Variants in FAM117B observed in about 807,000 individuals in gnomAD.
The protein encoded by FAM117B is protein FAM117B.
A neutral mutation model predicts 52.8 loss-of-function variants in FAM117B; 22 were observed. The observed-to-expected ratio is 0.42, with a 90% CI of 0.30 to 0.59. The LOEUF is 0.59. Ranked by LOEUF, FAM117B falls within the 20% of genes least tolerant of loss-of-function variation. The probability of loss-of-function intolerance (pLI) is 0.22; values close to 1 mark genes in which losing one functional copy is unlikely to be tolerated. For synonymous variants in FAM117B, 309 were observed against 324.1 expected, an observed-to-expected ratio of 0.95 and a Z score of 0.50; for missense variants, 678 against 802.6, an observed-to-expected ratio of 0.84 and a Z score of 1.88.
intron 2 of FAM117B, among the ~76,000 whole-genome samples, chr2:202,707,360 G>A (rs1428328511): frequency 6.6e-6 from 1 of 152,012 alleles, no homozygotes; most frequent in African/African-American, 2.4e-5. Context: ...CATTAAATAG[G>A]CTGGGCACAT....
rs967760624 is a variant in FAM117B, at chr2:202,704,821, G to A, written c.753+8789G>A. On this transcript the variant is annotated intron_variant, in intron 2 of 7. Transcript: ENST00000392238. ...TCACCATATTGGCCAGGCTAGTCTC[G>A]AACACCTGACCTCAGGTAATCCGCC... Among the ~76,000 whole-genome samples, 38 of 151,686 alleles carry A rather than the reference G, an allele frequency of 2.5e-4. No homozygotes were observed. The East Asian group carries it at 3.9e-3, about 16-fold the overall frequency.
At chr2:202,712,476 A>G (rs1690974952) in intron 2 of FAM117B, among the ~76,000 whole-genome samples, 1 of 142,680 alleles carries the variant, frequency 7.0e-6, no homozygotes, top group Admixed American at 7.2e-5. Context: ...TCCAAATATA[A>G]GATCATATTA....
At chr2:202,699,319 C>G (rs1192205629) in intron 2 of FAM117B, among the ~76,000 whole-genome samples, 1 of 146,744 alleles carries the variant, frequency 6.8e-6, no homozygotes, top group South Asian at 2.2e-4. Context: ...CCCAGCTACT[C>G]GGGAAGCTGA....
chr2:202,680,394 A>G (rs1201480670), intron 1 of FAM117B, among the ~76,000 whole-genome samples: 1 of 152,162 alleles, frequency 6.6e-6, no homozygotes, highest in Non-Finnish European at 1.5e-5. Context: ...CTTTGTGCAC[A>G]TGTACCCTAA....
intron 2 of FAM117B, among the ~76,000 whole-genome samples, chr2:202,697,749 C>T (rs1340994904): frequency 6.6e-6 from 1 of 151,806 alleles, no homozygotes; most frequent in Non-Finnish European, 1.5e-5. Flanking sequence ...GGGGTTTTAC[C>T]ATGTTGGCCA....
At chr2:202,732,843 TA>T (rs1438162673) in intron 4 of FAM117B, among the ~76,000 whole-genome samples, 1 of 104,462 alleles carries the variant, frequency 9.6e-6, no homozygotes, top group East Asian at 2.5e-4. Flanking sequence ...AATAAATAAA[TA>T]AATAAATAAA....
intron 1 of FAM117B, among the ~76,000 whole-genome samples, chr2:202,646,751 A>G (rs1170299458): frequency 6.6e-6 from 1 of 152,160 alleles, no homozygotes; most frequent in African/African-American, 2.4e-5. Context: ...CTCTCCCCTA[A>G]GGATATCATC....
At chr2:202,666,245 C>T (rs1248304655) in intron 1 of FAM117B, among the ~76,000 whole-genome samples, 1 of 151,248 alleles carries the variant, frequency 6.6e-6, no homozygotes, top group African/African-American at 2.4e-5. Context: ...ACAATTGAAA[C>T]GGAAGTTATG....
At chr2:202,756,239 A>G (rs1179358630) in intron 5 of FAM117B, among the ~76,000 whole-genome samples, 1 of 152,180 alleles carries the variant, frequency 6.6e-6, no homozygotes, top group Non-Finnish European at 1.5e-5. Context: ...CAACATGGTG[A>G]AACCCCGTCT....
intron 1 of FAM117B, among the ~76,000 whole-genome samples, chr2:202,666,978 C>T (rs1234008420): frequency 6.6e-6 from 1 of 151,190 alleles, no homozygotes; most frequent in African/African-American, 2.4e-5. Context: ...AAATGCAGAT[C>T]GAAAATCTGT....
At chr2:202,690,625 T>C (rs1215389969) in intron 1 of FAM117B, among the ~76,000 whole-genome samples, 1 of 152,098 alleles carries the variant, frequency 6.6e-6, no homozygotes, top group African/African-American at 2.4e-5. Flanking sequence ...GAAAGGGATA[T>C]AAGGGTAGAG....
At chr2:202,759,550 C>A (rs1184037251) in intron 7 of FAM117B, among the ~76,000 whole-genome samples, 197 bp downstream of exon 7, 1 of 143,834 alleles carries the variant, frequency 7.0e-6, no homozygotes, top group East Asian at 2.0e-4. Context: ...CACCACTAGC[C>A]TGGCTAATTT....
At chr2:202,765,379 C>CTT (rs373287818) in intron 7 of FAM117B, 67 bp from the exon 8 acceptor site, 654 of 1,129,148 alleles carry the variant, frequency 5.8e-4, no homozygotes, top group Admixed American at 1.1e-3. Context: ...TGTTTCCAAG[C>CTT]TTTTTTTTTT....
intron 4 of FAM117B, among the ~76,000 whole-genome samples, chr2:202,735,031 T>C (rs1055220692): frequency 6.6e-6 from 1 of 152,236 alleles, no homozygotes; most frequent in African/African-American, 2.4e-5. Flanking sequence ...TTCTTTGCAT[T>C]CCTCATTGAG....
intron 4 of FAM117B, among the ~76,000 whole-genome samples, chr2:202,742,159 T>TCC (rs1691553326): frequency 6.6e-6 from 1 of 152,202 alleles, no homozygotes; most frequent in East Asian, 1.9e-4. Flanking sequence ...AGTAAGCTTT[T>TCC]TTACAGCATT....
chr2:202,664,398 A>G (rs1364688329), intron 1 of FAM117B, among the ~76,000 whole-genome samples: 1 of 152,220 alleles, frequency 6.6e-6, no homozygotes, highest in Non-Finnish European at 1.5e-5. Context: ...TTGTGTGGCT[A>G]ATAGTGCTAG....
Position 202,687,399 on chromosome 2 carries a change from C to T in FAM117B, c.602-8482C>T, listed in dbSNP as rs1690558269. On this transcript the variant is annotated intron_variant, in intron 1 of 7. Coordinates refer to ENST00000392238, the MANE Select transcript of FAM117B (RefSeq NM_173511.4). ...AATGGCGTATTTGGCTTTCAAAACT[C>T]CAAAGATGGGTGCAGATTTATTTAT... 2.0e-5 allele frequency among the ~76,000 whole-genome samples: 3 copies of T among 152,032 alleles called. No individual in the cohort carries two copies. In the South Asian group the frequency reaches 6.2e-4, roughly 32 times the overall value.
At chr2:202,649,359 G>A (rs147122718) in intron 1 of FAM117B, among the ~76,000 whole-genome samples, 242 of 152,172 alleles carry the variant, frequency 1.6e-3, no homozygotes, top group African/African-American at 5.8e-3. Context: ...AAGTGGTTGT[G>A]CTAGAGCACT....
chr2:202,670,434 C>T (rs1028831168), intron 1 of FAM117B, among the ~76,000 whole-genome samples: 4 of 151,812 alleles, frequency 2.6e-5, no homozygotes, highest in African/African-American at 4.8e-5. Flanking sequence ...GGATTACAGG[C>T]GCCTGCCACC....
Sources: gnomAD v4.1 joint callset for allele counts (sites outside exome capture counted in the v4.1 genomes callset) on GRCh38, gnomAD v4.1.1 for gene constraint, MANE v1.5 for transcripts, NCBI Gene and HGNC (gene_info 2026-07-23, HGNC 2026-07-21) for gene names.